The following BBX variants were observed in gnomAD, a reference collection of about 807,000 sequenced individuals.
The protein encoded by BBX is HMG box transcription factor BBX.
A neutral mutation model predicts 100.2 loss-of-function variants in BBX; 30 were observed. The ratio of observed to expected loss-of-function variants is 0.30; its 90% CI spans 0.22 to 0.41. BBX has a LOEUF of 0.41. Among genes scored for constraint, BBX ranks in the 10% least tolerant of loss-of-function variants. The pLI, the probability that BBX is intolerant of heterozygous loss-of-function variation, is 1.00. For synonymous variants in BBX, 376 were observed against 388.1 expected, an observed-to-expected ratio of 0.97 and a Z score of 0.37; for missense variants, 1,023 against 1,129.8, an observed-to-expected ratio of 0.91 and a Z score of 1.35.
intron 2 of BBX, among the ~76,000 whole-genome samples, chr3:107,562,584 T>C (rs1334697117): frequency 6.6e-6 from 1 of 152,182 alleles, no homozygotes; most frequent in Non-Finnish European, 1.5e-5. Flanking sequence ...TTTGTGAGTA[T>C]ATTTTTAAGA....
chr3:107,636,607 T>G (rs2056864477), intron 2 of BBX, among the ~76,000 whole-genome samples: 2 of 152,204 alleles, frequency 1.3e-5, no homozygotes, highest in Admixed American at 1.3e-4. Flanking sequence ...GCCATTTGCC[T>G]TGTAGTACTT....
At chr3:107,790,538 A>C (rs1464063814) in intron 14 of BBX, among the ~76,000 whole-genome samples, 1 of 152,142 alleles carries the variant, frequency 6.6e-6, no homozygotes, top group Non-Finnish European at 1.5e-5. Context: ...TTCAGGGCTC[A>C]TCTTAAGATC....
intron 17 of BBX, 45 bp from the exon 18 acceptor site, chr3:107,805,325 T>C: frequency 6.4e-7 from 1 of 1,565,004 alleles, no homozygotes; most frequent in Non-Finnish European, 8.7e-7. Context: ...CTGTCTCTAA[T>C]AACATATGCT....
chr3:107,694,109 T>A (rs1175410301), intron 3 of BBX, among the ~76,000 whole-genome samples: 8 of 126,788 alleles, frequency 6.3e-5, no homozygotes, highest in Non-Finnish European at 1.3e-4. Flanking sequence ...GACAATGGGG[T>A]TTTCTAGATA....
At chr3:107,771,666 T>C (rs2066917329) in intron 10 of BBX, among the ~76,000 whole-genome samples, 4 of 152,212 alleles carry the variant, frequency 2.6e-5, no homozygotes, top group Admixed American at 2.0e-4. Context: ...TCACATCAGA[T>C]CAATTTGCCA....
chr3:107,775,478 ATAAAG>A (rs1390055203), intron 12 of BBX, among the ~76,000 whole-genome samples: 5 of 152,190 alleles, frequency 3.3e-5, no homozygotes, highest in African/African-American at 1.2e-4. Flanking sequence ...CCATCTTAAT[ATAAAG>A]TATTTTGTTA....
chr3:107,608,487 C>CA (rs2054605770), intron 2 of BBX, among the ~76,000 whole-genome samples: 1 of 152,124 alleles, frequency 6.6e-6, no homozygotes, highest in African/African-American at 2.4e-5. Context: ...ACTTTGAAGT[C>CA]AGTTAAGGTG....
rs1184282655 is a variant in BBX, at chr3:107,810,175, C to G, written c.*4718C>G. Reference sequence around the variant, plus strand: ...CATAATCCCCATCTGTATGTGCTACCCTTCCTTCAAATATATAAATGTGCA... The same window carrying G: ...CATAATCCCCATCTGTATGTGCTACGCTTCCTTCAAATATATAAATGTGCA... On this transcript the variant is annotated 3_prime_UTR_variant, in exon 18 of 18. Coordinates refer to ENST00000325805, the MANE Select transcript of BBX (RefSeq NM_001142568.3). The G allele has an allele frequency of 2.0e-5, 3 of 148,822 alleles. No individual in the cohort carries two copies. Among genetic ancestry groups the G allele is most frequent in the African/African-American group, 7.4e-5 (3 of 40,418 alleles). 9.2% of individuals were successfully genotyped at this position (148,822 alleles called of 1,614,324 possible).
chr3:107,588,106 C>T (rs1208358574), intron 2 of BBX, among the ~76,000 whole-genome samples: 1 of 152,100 alleles, frequency 6.6e-6, no homozygotes, highest in East Asian at 1.9e-4. Context: ...TTTTATTATT[C>T]TCTTTTCTAT....
chr3:107,744,669 C>T lies in BBX; in HGVS notation c.709C>T (p.Pro237Ser). ...GTCRPDVSES[P>S]ELRQKSPLFQ... ...ATGCAGGCCTGATGTTTCAGAATCT[C>T]CTGAATTACGTCAGAAGTCACCATT... The change falls in exon 8 of 18, where the codon CCT becomes TCT. Residue 237 changes from proline to serine, a missense_variant. By Grantham distance (74) the Pro-to-Ser change is moderately conservative. Transcript: ENST00000325805. 1 of 1,613,332 alleles carries T rather than the reference C, an allele frequency of 6.2e-7. No individual in the cohort carries two copies. The highest frequency in any genetic ancestry group is 8.5e-7 in the Non-Finnish European group (1 of 1,179,498).
chr3:107,787,665 A>T lies in BBX; in HGVS notation c.2204-2122A>T, dbSNP rs1306241584. ...ATATTTCAACAAAGCTGTTTTTAAA[A>T]ATCAGTTAAAACAATAGGTTTGTGA... On this transcript the variant is annotated intron_variant, in intron 13 of 17. Coordinates refer to ENST00000325805, the MANE Select transcript of BBX (RefSeq NM_001142568.3). Among the ~76,000 whole-genome samples the T allele has an allele frequency of 3.9e-5, 6 of 152,204 alleles. No individual in the cohort carries two copies. In the East Asian group the frequency reaches 1.2e-3, roughly 29 times the overall value.
chr3:107,665,804 C>T (rs2058710528), intron 3 of BBX, among the ~76,000 whole-genome samples: 1 of 152,160 alleles, frequency 6.6e-6, no homozygotes, highest in African/African-American at 2.4e-5. Context: ...TGTCTTTTCT[C>T]ACACTCTAGT....
At position 107,656,167 on chromosome 3, in the gene BBX, T is replaced by A. The variant is rs559414898; in HGVS notation, c.-10+10258T>A. ...TAGTGGTTTAACATTTCATAATTGG[T>A]CCAAGAGAAAAAAATATTTTTTCTC... On this transcript the variant is annotated intron_variant, in intron 3 of 17. Coordinates refer to ENST00000325805, the MANE Select transcript of BBX (RefSeq NM_001142568.3). Among the ~76,000 whole-genome samples, 4 of 149,626 alleles carry A rather than the reference T, an allele frequency of 2.7e-5. No individual in the cohort carries two copies. In the South Asian group the frequency reaches 8.3e-4, roughly 31 times the overall value.
chr3:107,654,691 TTTTGTTTG>T (rs767156831), intron 3 of BBX, among the ~76,000 whole-genome samples: 3 of 152,090 alleles, frequency 2.0e-5, no homozygotes, highest in African/African-American at 7.2e-5. Context: ...TTTGTTTTGT[TTTTGTTTG>T]TTTGTTTGTT....
intron 2 of BBX, among the ~76,000 whole-genome samples, chr3:107,613,348 G>A (rs960660072): frequency 3.4e-5 from 5 of 148,798 alleles, no homozygotes; most frequent in Admixed American, 6.8e-5. Flanking sequence ...CACCACGACC[G>A]GTTAATTTTG....
chr3:107,523,177 G>T, intron 1 of BBX, 70 bp downstream of exon 1: 1 of 182,680 alleles, frequency 5.5e-6, no homozygotes, highest in Non-Finnish European at 1.1e-5. Context: ...ACTCACTTGC[G>T]AGCCGCCGGG....
intron 3 of BBX, among the ~76,000 whole-genome samples, chr3:107,662,392 G>A (rs2058498331): frequency 6.6e-6 from 1 of 152,130 alleles, no homozygotes; most frequent in South Asian, 2.1e-4. Flanking sequence ...TCTCCCAACA[G>A]CTAACTTTAC....
chr3:107,801,317 G>A (rs2070443602), intron 17 of BBX, 36 bp downstream of exon 17: 3 of 1,598,158 alleles, frequency 1.9e-6, no homozygotes, highest in Non-Finnish European at 2.6e-6. Flanking sequence ...AAGCAACATG[G>A]AAACCAGATC....
At chr3:107,692,117 T>C (rs568798130) in intron 3 of BBX, among the ~76,000 whole-genome samples, 1 of 151,950 alleles carries the variant, frequency 6.6e-6, no homozygotes, top group South Asian at 2.1e-4. Context: ...CATTGTTTTT[T>C]AAAATTATAA....
Sources: allele counts gnomAD v4.1 joint callset (sites outside exome capture counted in the v4.1 genomes callset), GRCh38; gene constraint gnomAD v4.1.1; transcripts MANE v1.5; gene names NCBI Gene and HGNC (gene_info 2026-07-23, HGNC 2026-07-21).